Variants in CFAP263 observed in about 807,000 individuals in gnomAD.
CFAP263 encodes cilia- and flagella-associated protein 263.
chr16:58,256,172 G>A, the CFAP263 span, among the ~76,000 whole-genome samples: 137 of 152,296 alleles, frequency 9.0e-4, no homozygotes, highest in Middle Eastern at 3.4e-3. Flanking sequence ...TGATGCAACC[G>A]TCTGTATCAC....
At chr16:58,250,242 CT>C in the CFAP263 span, 11 of 579,368 alleles carry the variant, frequency 1.9e-5, no homozygotes, top group Non-Finnish European at 3.3e-5. Flanking sequence ...GACTTTTCCT[CT>C]TTACTCCTTA....
chr16:58,258,565 T>A, the CFAP263 span: 2 of 1,584,602 alleles, frequency 1.3e-6, no homozygotes, highest in Admixed American at 1.7e-5. Context: ...AAAACATTCT[T>A]ACAGGGATGT....
At chr16:58,259,474 T>A in the CFAP263 span, among the ~76,000 whole-genome samples, 1 of 152,178 alleles carries the variant, frequency 6.6e-6, no homozygotes, top group African/African-American at 2.4e-5. Flanking sequence ...AAGCTTTAGA[T>A]CCTGGAGACA....
the CFAP263 span, chr16:58,262,546 G>A: frequency 6.3e-7 from 1 of 1,591,562 alleles, no homozygotes; most frequent in Non-Finnish European, 8.6e-7. Flanking sequence ...ACAAAGTAAG[G>A]CCATCCCTGA....
chr16:58,277,737 C>T, the CFAP263 span, among the ~76,000 whole-genome samples: 1 of 152,148 alleles, frequency 6.6e-6, no homozygotes, highest in Non-Finnish European at 1.5e-5. Context: ...GAAAATCATT[C>T]CACCTTAGAA....
the CFAP263 span, among the ~76,000 whole-genome samples, chr16:58,271,611 A>G: frequency 6.6e-6 from 1 of 152,202 alleles, no homozygotes; most frequent in Non-Finnish European, 1.5e-5. Context: ...AGTTTTGAGG[A>G]GTACCTGTCA....
chr16:58,280,418 T>G, the CFAP263 span: 1 of 1,613,864 alleles, frequency 6.2e-7, no homozygotes, highest in Non-Finnish European at 8.5e-7. Flanking sequence ...ACATCTAGAC[T>G]ATCTCTAGAG....
chr16:58,273,590 A>T, the CFAP263 span, among the ~76,000 whole-genome samples: 1 of 152,160 alleles, frequency 6.6e-6, no homozygotes, highest in Non-Finnish European at 1.5e-5. Flanking sequence ...TATTATTATT[A>T]CTTTAATTCT....
chr16:58,272,643 C>A, the CFAP263 span, among the ~76,000 whole-genome samples: 2 of 152,178 alleles, frequency 1.3e-5, no homozygotes, highest in African/African-American at 2.4e-5. Flanking sequence ...CATTGTTGAC[C>A]GAAATGTTTT....
the CFAP263 span, chr16:58,282,821 C>T: frequency 2.0e-5 from 3 of 152,194 alleles, no homozygotes; most frequent in Admixed American, 1.3e-4. Flanking sequence ...AGTGGTATAG[C>T]CAGAGCAAGA....
At chr16:58,253,781 T>A in the CFAP263 span, among the ~76,000 whole-genome samples, 1 of 152,214 alleles carries the variant, frequency 6.6e-6, no homozygotes, top group Non-Finnish European at 1.5e-5. Context: ...TTGTCAAACA[T>A]AGGCCTTTGA....
the CFAP263 span, chr16:58,280,854 A>G: frequency 8.3e-7 from 1 of 1,207,448 alleles, no homozygotes; most frequent in Non-Finnish European, 1.1e-6. Flanking sequence ...GAAATGTTTT[A>G]CGCTGGTTCT....
the CFAP263 span, chr16:58,259,843 T>G: frequency 6.6e-7 from 1 of 1,511,624 alleles, no homozygotes; most frequent in Non-Finnish European, 9.1e-7. Context: ...AAATATGCCT[T>G]TATGTTTTAG....
At chr16:58,280,362 A>G in the CFAP263 span, 2 of 1,614,204 alleles carry the variant, frequency 1.2e-6, no homozygotes, top group Non-Finnish European at 1.7e-6. Flanking sequence ...AGGGTTGTAC[A>G]GACGCCTCAG....
the CFAP263 span, chr16:58,282,835 A>G: frequency 1.3e-5 from 2 of 152,244 alleles, no homozygotes; most frequent in Non-Finnish European, 2.9e-5. Context: ...AGCAAGAAAA[A>G]GAATGTGATT....
chr16:58,249,981 A>C, the CFAP263 span: 1 of 1,431,106 alleles, frequency 7.0e-7, no homozygotes, highest in Non-Finnish European at 9.7e-7. Flanking sequence ...GCTCCTGGGC[A>C]CACGGCATTG....
At chr16:58,254,033 TATGG>T in the CFAP263 span, 2 of 1,614,092 alleles carry the variant, frequency 1.2e-6, no homozygotes, top group Admixed American at 1.7e-5. Context: ...CCCGGACAGG[TATGG>T]ACCGTGGGGT....
At chr16:58,277,525 G>A in the CFAP263 span, among the ~76,000 whole-genome samples, 3 of 152,140 alleles carry the variant, frequency 2.0e-5, no homozygotes, top group Non-Finnish European at 4.4e-5. Context: ...GATTACTCAC[G>A]AAATTGAATT....
chr16:58,281,225 G>A, the CFAP263 span: 330 of 163,708 alleles, frequency 2.0e-3, no homozygotes, highest in Non-Finnish European at 3.7e-3. Context: ...TCCCAATGGA[G>A]CAGTCCTCTG....
Sources: allele counts gnomAD v4.1 joint callset (sites outside exome capture counted in the v4.1 genomes callset), GRCh38; gene constraint gnomAD v4.1.1; transcripts MANE v1.5; gene names NCBI Gene and HGNC (gene_info 2026-07-23, HGNC 2026-07-21).